PARP8: variants seen among roughly 807,000 people sequenced by gnomAD.
The protein encoded by PARP8 is poly(ADP-ribose) polymerase family member 8.
In PARP8, 51 loss-of-function variants were observed where a neutral mutation model predicts 124.1. The ratio of observed to expected loss-of-function variants is 0.41; its 90% CI spans 0.33 to 0.52. The LOEUF is 0.52. PARP8 is among the 20% of genes least tolerant of loss of function. The pLI is 0.21. For missense variants in PARP8, 860 were observed against 1,018.9 expected (o/e 0.84, Z 2.12); for synonymous variants, 391 against 361.5 (o/e 1.08, Z -0.93).
At chr5:50,810,618 T>C (rs1351428074) in intron 14 of PARP8, among the ~76,000 whole-genome samples, 2 of 152,072 alleles carry the variant, frequency 1.3e-5, no homozygotes, top group Admixed American at 6.6e-5. Context: ...AGACATCTAA[T>C]CACTTAATGT....
intron 2 of PARP8, among the ~76,000 whole-genome samples, chr5:50,728,263 T>C (rs1190479065): frequency 3.9e-5 from 6 of 152,178 alleles, no homozygotes; most frequent in Non-Finnish European, 8.8e-5. Flanking sequence ...GCTTCATTGA[T>C]ATTGTAATTT....
At chr5:50,711,985 G>A (rs1448887233) in intron 2 of PARP8, among the ~76,000 whole-genome samples, 1 of 151,984 alleles carries the variant, frequency 6.6e-6, no homozygotes, top group Non-Finnish European at 1.5e-5. Flanking sequence ...TGATTTTTCT[G>A]CAAAGTTGAT....
chr5:50,788,519 C>G lies in PARP8; in HGVS notation c.671-4C>G. On this transcript the variant is annotated splice_region_variant and splice_polypyrimidine_tract_variant and intron_variant, in intron 9 of 25. Coordinates refer to ENST00000281631, the MANE Select transcript of PARP8 (RefSeq NM_024615.4). ...ATGTGACTGTGATCCTTTTTCCTTT[C>G]CAGTGCCCACTGTTGATGTCTTTCA... The G allele has an allele frequency of 6.2e-7, 1 of 1,611,636 alleles. No individual in the cohort carries two copies. Among genetic ancestry groups the G allele is most frequent in the African/African-American group, 1.3e-5 (1 of 74,804 alleles).
intron 21 of PARP8, among the ~76,000 whole-genome samples, chr5:50,828,633 A>G (rs972256809): frequency 1.3e-5 from 2 of 152,164 alleles, no homozygotes; most frequent in African/African-American, 4.8e-5. Context: ...TAACCCCAGC[A>G]CTTTGGGAAG....
At chr5:50,833,170 A>G (rs1259785032) in intron 23 of PARP8, among the ~76,000 whole-genome samples, 2 of 152,182 alleles carry the variant, frequency 1.3e-5, no homozygotes, top group Non-Finnish European at 2.9e-5. Context: ...AATTAAATAC[A>G]TATTTAGATA....
intron 2 of PARP8, among the ~76,000 whole-genome samples, chr5:50,695,154 A>G (rs1752891983): frequency 6.6e-6 from 1 of 152,216 alleles, no homozygotes; most frequent in Non-Finnish European, 1.5e-5. Context: ...AATCCAATCA[A>G]GTTGACACTT....
intron 2 of PARP8, among the ~76,000 whole-genome samples, chr5:50,737,366 A>T (rs1757572219): frequency 6.6e-6 from 1 of 152,204 alleles, no homozygotes; most frequent in East Asian, 1.9e-4. Context: ...AAGAAGAGAT[A>T]TTCTTATTCA....
chr5:50,832,137 C>T (rs1256392304), intron 22 of PARP8, among the ~76,000 whole-genome samples: 3 of 152,138 alleles, frequency 2.0e-5, no homozygotes. Flanking sequence ...GAAACAACTA[C>T]AAAAATCAAC....
chr5:50,736,938 T>A (rs1032877001), intron 2 of PARP8, among the ~76,000 whole-genome samples: 3 of 152,194 alleles, frequency 2.0e-5, no homozygotes, highest in Non-Finnish European at 2.9e-5. Flanking sequence ...ATCAAGGTGA[T>A]AAAATTAACT....
At chr5:50,705,841 T>C (rs1754090059) in intron 2 of PARP8, among the ~76,000 whole-genome samples, 1 of 152,106 alleles carries the variant, frequency 6.6e-6, no homozygotes, top group African/African-American at 2.4e-5. Context: ...ATAAACTACT[T>C]ATACTATTTG....
chr5:50,784,547 A>G (rs922515616), intron 9 of PARP8, among the ~76,000 whole-genome samples: 1 of 152,148 alleles, frequency 6.6e-6, no homozygotes, highest in Non-Finnish European at 1.5e-5. Context: ...TGCTTGCATG[A>G]TCAGTGCATT....
At chr5:50,726,088 T>G (rs1756395735) in intron 2 of PARP8, among the ~76,000 whole-genome samples, 1 of 152,268 alleles carries the variant, frequency 6.6e-6, no homozygotes, top group Non-Finnish European at 1.5e-5. Flanking sequence ...TGCCATGTTG[T>G]TACAAGTCGT....
intron 9 of PARP8, among the ~76,000 whole-genome samples, chr5:50,782,458 T>C (rs1740775537): frequency 6.6e-6 from 1 of 152,212 alleles, no homozygotes; most frequent in Non-Finnish European, 1.5e-5. Context: ...ATGTATAATA[T>C]ATGAATAGAA....
At chr5:50,688,825 A>T (rs1202673264) in intron 2 of PARP8, among the ~76,000 whole-genome samples, 1 of 152,156 alleles carries the variant, frequency 6.6e-6, no homozygotes, top group Non-Finnish European at 1.5e-5. Flanking sequence ...ACCTTTTATT[A>T]TATAGCCTTG....
intron 2 of PARP8, among the ~76,000 whole-genome samples, chr5:50,689,966 G>A (rs1752321857): frequency 6.6e-6 from 1 of 152,188 alleles, no homozygotes; most frequent in Non-Finnish European, 1.5e-5. Flanking sequence ...CTACTCAACA[G>A]CTAAAGCTCT....
intron 7 of PARP8, among the ~76,000 whole-genome samples, chr5:50,764,144 C>A (rs1238224174): frequency 6.6e-6 from 1 of 152,238 alleles, no homozygotes; most frequent in African/African-American, 2.4e-5. Context: ...GGACTTCCAT[C>A]ACATTTGGCT....
At position 50,687,390 on chromosome 5, in the gene PARP8, A is replaced by G. The variant is rs139675417; in HGVS notation, c.146+19265A>G. Among the ~76,000 whole-genome samples the G allele has an allele frequency of 7.5e-3, 1,140 of 152,274 alleles. 15 individuals are homozygous for G. The highest frequency in any genetic ancestry group is 0.026 in the African/African-American group (1,070 of 41,518). On this transcript the variant is annotated intron_variant, in intron 2 of 25. Transcript: ENST00000281631. Reference sequence around the variant, plus strand: ...TGCTATCAGGTTTTTGGTCAAAGCCATTCAACAAGTCTCTAGGAAGTTCCA... The same window carrying G: ...TGCTATCAGGTTTTTGGTCAAAGCCGTTCAACAAGTCTCTAGGAAGTTCCA...
intron 10 of PARP8, among the ~76,000 whole-genome samples, chr5:50,791,984 C>T (rs905169858): frequency 2.6e-5 from 4 of 152,156 alleles, no homozygotes; most frequent in Admixed American, 2.6e-4. Flanking sequence ...TGCTCTAGTG[C>T]ATAGTTTTTT....
intron 2 of PARP8, among the ~76,000 whole-genome samples, chr5:50,729,388 A>G (rs1756752393): frequency 6.6e-6 from 1 of 152,184 alleles, no homozygotes; most frequent in African/African-American, 2.4e-5. Flanking sequence ...GTTGCTAAAT[A>G]TGCTGTACAA....
Sources: gnomAD v4.1 joint callset for allele counts (sites outside exome capture counted in the v4.1 genomes callset) on GRCh38, gnomAD v4.1.1 for gene constraint, MANE v1.5 for transcripts, NCBI Gene and HGNC (gene_info 2026-07-23, HGNC 2026-07-21) for gene names.